The following RAMP1 variants were observed in gnomAD, a reference collection of about 807,000 sequenced individuals.
The protein encoded by RAMP1 is receptor activity modifying protein 1.
RAMP1 carries 7 observed loss-of-function variants against 8.2 expected under a neutral mutation model. The observed-to-expected ratio is 0.85, with a 90% CI of 0.49 to 1.60. The LOEUF (loss-of-function observed/expected upper bound fraction) is 1.60. RAMP1 is among the 40% of genes most tolerant of loss of function. RAMP1 has a pLI of 0.00. For synonymous variants in RAMP1, 92 were observed against 84.7 expected, an observed-to-expected ratio of 1.09 and a Z score of -0.47; for missense variants, 192 against 202.4, an observed-to-expected ratio of 0.95 and a Z score of 0.31.
chr2:237,895,636 C>T (rs958583640), intron 2 of RAMP1, among the ~76,000 whole-genome samples: 1 of 152,166 alleles, frequency 6.6e-6, no homozygotes, highest in South Asian at 2.1e-4. Flanking sequence ...GGATGGGTCG[C>T]TGAAGGCTCG....
intron 2 of RAMP1, among the ~76,000 whole-genome samples, chr2:237,889,389 C>T (rs553332190): frequency 6.6e-6 from 1 of 152,284 alleles, no homozygotes; most frequent in Non-Finnish European, 1.5e-5. Context: ...ATTTCCTTCC[C>T]ACCTCAATTA....
chr2:237,860,825 G>GC (rs2062126982), intron 1 of RAMP1, among the ~76,000 whole-genome samples: 1 of 152,172 alleles, frequency 6.6e-6, no homozygotes, highest in African/African-American at 2.4e-5. Flanking sequence ...GAGGAGAGGG[G>GC]CCAGGGCTTC....
chr2:237,911,733 G>A lies in RAMP1; in HGVS notation c.397G>A (p.Val133Met), dbSNP rs1013467673. 1.9e-6 allele frequency: 3 copies of A among 1,613,458 alleles called. No individual in the cohort carries two copies. The East Asian group carries it at 6.7e-5, about 36-fold the overall frequency. The change falls in exon 3 of 3, where the codon GTG (valine) becomes ATG (methionine). Residue 133 changes from valine to methionine, a missense_variant. By Grantham distance (21) the Val-to-Met change is conservative. Transcript: ENST00000254661. ...GGTCCCCATCACGGTGACCCTGCTG[G>A]TGACGGCACTGGTGGTCTGGCAGAG... ...IVVPITVTLL[V>M]TALVVWQSKR...
At chr2:237,884,281 C>T (rs1230565801) in intron 2 of RAMP1, among the ~76,000 whole-genome samples, 1 of 152,178 alleles carries the variant, frequency 6.6e-6, no homozygotes, top group East Asian at 1.9e-4. Context: ...TCTCATTAAG[C>T]TGCAGCCTTG....
chr2:237,894,820 G>T (rs1432248713), intron 2 of RAMP1, among the ~76,000 whole-genome samples: 1 of 152,162 alleles, frequency 6.6e-6, no homozygotes, highest in Non-Finnish European at 1.5e-5. Context: ...GCACAAACAC[G>T]TTCAAAGACG....
intron 2 of RAMP1, among the ~76,000 whole-genome samples, chr2:237,896,433 G>A (rs1334504254): frequency 6.6e-6 from 1 of 152,182 alleles, no homozygotes; most frequent in South Asian, 2.1e-4. Flanking sequence ...AGCAGGAGAA[G>A]GGGAGGGAGG....
At position 237,878,253 on chromosome 2, in the gene RAMP1, C is replaced by A; in HGVS notation, c.191+891C>A. The A allele has an allele frequency of 2.2e-6, 2 of 919,658 alleles. No homozygotes were observed. Among genetic ancestry groups the A allele is most frequent in the Non-Finnish European group, 2.6e-6 (2 of 770,062 alleles). 57.0% of individuals were successfully genotyped at this position (919,658 alleles called of 1,614,324 possible). On this transcript the variant is annotated intron_variant, in intron 2 of 2. Coordinates refer to ENST00000254661, the MANE Select transcript of RAMP1 (RefSeq NM_005855.4). The surrounding 1 kb of genome is among the most constrained non-coding windows in gnomAD (Gnocchi z 5.7). The stretch of plus-strand genomic sequence containing the variant: ...CCGATGACAAGCGCTTTCCCCAGTG[C>A]CTGAGAGAAAGGGAGCCCTGGGGAC...
chr2:237,891,352 G>A (rs933029238), intron 2 of RAMP1, among the ~76,000 whole-genome samples: 8 of 152,086 alleles, frequency 5.3e-5, no homozygotes, highest in African/African-American at 1.2e-4. Context: ...GGGTTTCACC[G>A]TGTTAGCCAG....
chr2:237,868,102 G>A lies in RAMP1; in HGVS notation c.52+8375G>A, dbSNP rs537242858. Among the ~76,000 whole-genome samples the A allele has an allele frequency of 2.0e-5, 3 of 150,524 alleles. No individual in the cohort carries two copies. In the South Asian group the frequency reaches 6.4e-4, roughly 32 times the overall value. On this transcript the variant is annotated intron_variant, in intron 1 of 2. Transcript: ENST00000254661. ...TCTGTCGCCCAGGCTGGAGTGCAGT[G>A]GAGCGATGTCAGCTCACTGCAACCT...
At position 237,878,336 on chromosome 2, in the gene RAMP1, G is replaced by A. The variant is rs1019818468; in HGVS notation, c.191+974G>A. 6.6e-6 allele frequency among the ~76,000 whole-genome samples: 1 copy of A among 152,252 alleles called. No individual in the cohort carries two copies. Among genetic ancestry groups the A allele is most frequent in the Non-Finnish European group, 1.5e-5 (1 of 68,036 alleles). Reference sequence around the variant, plus strand: ...CTCGGGAGGGTCTTCACGGAGGAAAGGTTGCACCAAGGTCACACACGAAGA... The same window carrying A: ...CTCGGGAGGGTCTTCACGGAGGAAAAGTTGCACCAAGGTCACACACGAAGA... On this transcript the variant is annotated intron_variant, in intron 2 of 2. Coordinates refer to ENST00000254661, the MANE Select transcript of RAMP1 (RefSeq NM_005855.4). The surrounding 1 kb of genome is among the most constrained non-coding windows in gnomAD (Gnocchi z 5.7).
At chr2:237,899,744 T>G (rs936336413) in intron 2 of RAMP1, among the ~76,000 whole-genome samples, 1 of 152,238 alleles carries the variant, frequency 6.6e-6, no homozygotes, top group Non-Finnish European at 1.5e-5. Flanking sequence ...TTGTTAACTT[T>G]TTTAAATGAA....
At chr2:237,884,153 G>C (rs1172535779) in intron 2 of RAMP1, among the ~76,000 whole-genome samples, 1 of 152,076 alleles carries the variant, frequency 6.6e-6, no homozygotes, top group Admixed American at 6.5e-5. Flanking sequence ...TTTCTAACAC[G>C]TGTTGGGTGT....
At chr2:237,873,713 G>T (rs772355618) in intron 1 of RAMP1, among the ~76,000 whole-genome samples, 8 of 152,220 alleles carry the variant, frequency 5.3e-5, no homozygotes, top group Non-Finnish European at 1.0e-4. Flanking sequence ...TCACACAGAG[G>T]AATGGAACCC....
intron 1 of RAMP1, among the ~76,000 whole-genome samples, chr2:237,864,281 G>C (rs2062162345): frequency 6.6e-6 from 1 of 152,202 alleles, no homozygotes; most frequent in Admixed American, 6.5e-5. Flanking sequence ...GACACCACCT[G>C]GGAGGAGAAA....
At chr2:237,895,735 G>GC (rs11394790) in intron 2 of RAMP1, among the ~76,000 whole-genome samples, 152,218 of 152,220 alleles carry the variant, frequency 1, 76,108 homozygotes, top group Non-Finnish European at 1. Context: ...GGGCCGGCTG[G>GC]CTGGGGCTGA....
chr2:237,908,342 C>T (rs1242923025), intron 2 of RAMP1, among the ~76,000 whole-genome samples: 1 of 151,874 alleles, frequency 6.6e-6, no homozygotes, highest in African/African-American at 2.4e-5. Context: ...TACCCCTCTT[C>T]CCTGTGGCAA....
At chr2:237,906,784 G>A (rs1018136262) in intron 2 of RAMP1, among the ~76,000 whole-genome samples, 7 of 142,422 alleles carry the variant, frequency 4.9e-5, no homozygotes, top group Admixed American at 2.2e-4. Flanking sequence ...GTGCAATGGC[G>A]TGATCTCAAC....
intron 2 of RAMP1, among the ~76,000 whole-genome samples, chr2:237,884,277 T>G (rs954291932): frequency 3.3e-5 from 5 of 152,188 alleles, no homozygotes; most frequent in Non-Finnish European, 5.9e-5. Context: ...ATCATCTCAT[T>G]AAGCTGCAGC....
rs368661179 is a variant in RAMP1, at chr2:237,886,256, G to T, written c.191+8894G>T. Among the ~76,000 whole-genome samples, 30 of 152,318 alleles carry T rather than the reference G, an allele frequency of 2.0e-4. No individual in the cohort carries two copies. In the South Asian group the frequency reaches 5.4e-3, roughly 27 times the overall value. ...CACCTTCCTGTAGTCTCCTTGGCGC[G>T]CGTGACCGTGGTTGTGCAGGGAGCG... On this transcript the variant is annotated intron_variant, in intron 2 of 2. Transcript: ENST00000254661.
Sources: gnomAD v4.1 joint callset for allele counts (sites outside exome capture counted in the v4.1 genomes callset) on GRCh38, gnomAD v4.1.1 for gene constraint, Gnocchi (gnomAD v3.1) non-coding constraint, MANE v1.5 for transcripts, NCBI Gene and HGNC (gene_info 2026-07-23, HGNC 2026-07-21) for gene names.